The following CNTN4 variants were observed in gnomAD, a reference collection of about 807,000 sequenced individuals.
The protein encoded by CNTN4 is contactin-4.
In CNTN4, 77 loss-of-function variants were observed where a neutral mutation model predicts 122.5. That is an observed-to-expected ratio of 0.63 (90% confidence interval 0.52 to 0.76). The LOEUF (loss-of-function observed/expected upper bound fraction) is 0.76. Among genes scored for constraint, CNTN4 ranks in the 30% least tolerant of loss-of-function variants. The pLI is 0.00. For missense variants in CNTN4, 1,256 were observed against 1,259.1 expected, an observed-to-expected ratio of 1.00 and a Z score of 0.04; for synonymous variants, 512 against 447.0, an observed-to-expected ratio of 1.15 and a Z score of -1.83.
intron 2 of CNTN4, among the ~76,000 whole-genome samples, chr3:2,191,493 C>T (rs1250834165): frequency 6.6e-6 from 1 of 152,042 alleles, no homozygotes; most frequent in African/African-American, 2.4e-5. Context: ...TGACCAGAGA[C>T]CTCTCAAACC....
chr3:2,491,118 C>G (rs34464006), intron 3 of CNTN4, among the ~76,000 whole-genome samples: 1 of 152,146 alleles, frequency 6.6e-6, no homozygotes, highest in Non-Finnish European at 1.5e-5. Flanking sequence ...TAGAACAAGA[C>G]ATTTAAAAGT....
chr3:3,044,180 C>T (rs575241317), intron 23 of CNTN4, among the ~76,000 whole-genome samples: 16 of 152,092 alleles, frequency 1.1e-4, no homozygotes, highest in African/African-American at 3.9e-4. Flanking sequence ...TTTGCCTGAC[C>T]CCATAAATGT....
chr3:2,118,653 A>G (rs892877806), intron 2 of CNTN4, among the ~76,000 whole-genome samples: 1 of 152,206 alleles, frequency 6.6e-6, no homozygotes, highest in African/African-American at 2.4e-5. Flanking sequence ...TAGGCTTCCA[A>G]ATGTTGCTAA....
At chr3:2,781,171 C>T (rs769088950) in intron 6 of CNTN4, among the ~76,000 whole-genome samples, 3 of 152,174 alleles carry the variant, frequency 2.0e-5, no homozygotes, top group Non-Finnish European at 4.4e-5. Context: ...AATAAAGATG[C>T]TTTTCATCTT....
intron 6 of CNTN4, among the ~76,000 whole-genome samples, chr3:2,749,184 G>C (rs1229001284): frequency 6.6e-6 from 1 of 151,892 alleles, no homozygotes; most frequent in Non-Finnish European, 1.5e-5. Context: ...TATTTTTTGA[G>C]ACTGAGTCTT....
At chr3:2,781,876 A>ACCG in intron 6 of CNTN4, among the ~76,000 whole-genome samples, 2 of 55,558 alleles carry the variant, frequency 3.6e-5, no homozygotes, top group Non-Finnish European at 7.5e-5. Flanking sequence ...AGGCGCCCGC[A>ACCG]CCACGCCCGG....
chr3:2,307,699 A>G (rs1052255125), intron 2 of CNTN4, among the ~76,000 whole-genome samples: 3 of 151,996 alleles, frequency 2.0e-5, no homozygotes, highest in African/African-American at 4.8e-5. Context: ...TCTTTATTGT[A>G]TTAATATGGT....
chr3:2,286,779 A>T (rs1208888505), intron 2 of CNTN4, among the ~76,000 whole-genome samples: 1 of 152,148 alleles, frequency 6.6e-6, no homozygotes, highest in East Asian at 1.9e-4. Context: ...TGAACTAGAG[A>T]ATGCTTAAAA....
chr3:2,202,802 C>G (rs1305603361), intron 2 of CNTN4, among the ~76,000 whole-genome samples: 1 of 151,728 alleles, frequency 6.6e-6, no homozygotes, highest in African/African-American at 2.4e-5. Context: ...GGAGAATTGC[C>G]ATGTGTTTTT....
chr3:2,843,873 C>T (rs964041493), intron 7 of CNTN4, among the ~76,000 whole-genome samples: 1 of 152,172 alleles, frequency 6.6e-6, no homozygotes, highest in African/African-American at 2.4e-5. Flanking sequence ...AATACAGTGA[C>T]TCTTTTAAGT....
chr3:2,480,113 T>C (rs2075948366), intron 3 of CNTN4, among the ~76,000 whole-genome samples: 1 of 148,806 alleles, frequency 6.7e-6, no homozygotes, highest in Non-Finnish European at 1.5e-5. Flanking sequence ...AGAGAAGCGC[T>C]TCCTCAACTT....
At chr3:2,679,816 C>T (rs1287826041) in intron 4 of CNTN4, among the ~76,000 whole-genome samples, 1 of 152,180 alleles carries the variant, frequency 6.6e-6, no homozygotes, top group African/African-American at 2.4e-5. Context: ...ATCATTCATT[C>T]TCACTATAAT....
intron 14 of CNTN4, among the ~76,000 whole-genome samples, chr3:2,991,901 G>A (rs1695087383): frequency 6.6e-6 from 1 of 152,174 alleles, no homozygotes; most frequent in African/African-American, 2.4e-5. Flanking sequence ...CTTAAAATGT[G>A]CTTGTATTCT....
In CNTN4 at chr3:2,287,694, GAAGAAGAAGAA is replaced by G. The variant is rs1559415796; in HGVS notation, c.-144-51483_-144-51473del. Among the ~76,000 whole-genome samples, 141 of 61,770 alleles carry G rather than the reference GAAGAAGAAGAA, an allele frequency of 2.3e-3. 2 individuals are homozygous for G. Among genetic ancestry groups the G allele is most frequent in the Middle Eastern group, 6.7e-3 (1 of 150 alleles). The allele number at this position is 61,770 out of a possible 152,430, so 40.5% of individuals were successfully genotyped here. A position where few individuals can be genotyped will look rare whatever the true frequency, so the allele number is the denominator to read the frequency against. ...AGAAGAAGAAGAAGAAGAAGAAGAGGAAGAAGAAGAAGAAGAGGAAGAAGAAGAAGAAGAAG... is the reference window on the plus strand; with the variant it reads ...AGAAGAAGAAGAAGAAGAAGAAGAGGGAAGAGGAAGAAGAAGAAGAAGAAG... On this transcript the variant is annotated intron_variant, in intron 2 of 24. Transcript: ENST00000418658.
intron 19 of CNTN4, chr3:3,039,503 G>A (rs905524161): frequency 1.1e-5 from 2 of 175,652 alleles, no homozygotes; most frequent in Admixed American, 1.1e-4. Context: ...GCTTTAGAAA[G>A]GGTTCTTCAT....
chr3:2,678,078 A>G (rs1036852979), intron 4 of CNTN4, among the ~76,000 whole-genome samples: 2 of 152,160 alleles, frequency 1.3e-5, no homozygotes, highest in South Asian at 2.1e-4. Context: ...AAGGTAGGAA[A>G]AAAAGGGGGT....
In CNTN4 at chr3:2,732,011, G is replaced by C. The variant is rs578086476; in HGVS notation, c.56-4204G>C. Among the ~76,000 whole-genome samples the C allele has an allele frequency of 2.0e-5, 3 of 152,306 alleles. No homozygotes were observed. The South Asian group carries it at 6.2e-4, about 32-fold the overall frequency. On this transcript the variant is annotated intron_variant, in intron 4 of 24. Transcript: ENST00000418658. Reference sequence around the variant, plus strand: ...CAGTCCTAGGCCTTGACACATTCATGTGAGTCAGTTTTATAACTTTCTGTT... The same window carrying C: ...CAGTCCTAGGCCTTGACACATTCATCTGAGTCAGTTTTATAACTTTCTGTT...
At chr3:2,934,507 G>C (rs544610537) in intron 13 of CNTN4, among the ~76,000 whole-genome samples, 1 of 152,244 alleles carries the variant, frequency 6.6e-6, no homozygotes, top group Non-Finnish European at 1.5e-5. Context: ...GTCCAAAGAC[G>C]CTGGCAGTCT....
At chr3:2,923,843 A>G (rs1002882414) in intron 12 of CNTN4, among the ~76,000 whole-genome samples, 4 of 152,200 alleles carry the variant, frequency 2.6e-5, no homozygotes, top group East Asian at 1.9e-4. Flanking sequence ...TTCTCGTTAC[A>G]TAAATATTGA....
Sources: gnomAD v4.1 joint callset for allele counts (sites outside exome capture counted in the v4.1 genomes callset) on GRCh38, gnomAD v4.1.1 for gene constraint, MANE v1.5 for transcripts, NCBI Gene and HGNC (gene_info 2026-07-23, HGNC 2026-07-21) for gene names.